Variants in GABRG3 observed in about 807,000 individuals in gnomAD.
GABRG3 encodes the protein gamma-aminobutyric acid receptor subunit gamma-3.
GABRG3 carries 25 observed loss-of-function variants against 48.8 expected under a neutral mutation model. The ratio of observed to expected loss-of-function variants is 0.51; its 90% confidence interval spans 0.37 to 0.72. GABRG3 has a LOEUF of 0.72. Ranked by LOEUF, GABRG3 falls within the 30% of genes least tolerant of loss-of-function variation. The pLI is 0.00. For missense variants in GABRG3, 394 were observed against 577.9 expected, an observed-to-expected ratio of 0.68 and a Z score of 3.26; for synonymous variants, 227 against 217.6, an observed-to-expected ratio of 1.04 and a Z score of -0.38.
At chr15:26,994,824 A>G (rs1390587337) in intron 2 of GABRG3, among the ~76,000 whole-genome samples, 1 of 152,034 alleles carries the variant, frequency 6.6e-6, no homozygotes, top group East Asian at 1.9e-4. Context: ...TAGACTTCAC[A>G]TGATTTCAGT....
At chr15:27,170,529 A>G (rs1236926303) in intron 3 of GABRG3, among the ~76,000 whole-genome samples, 1 of 152,226 alleles carries the variant, frequency 6.6e-6, no homozygotes, top group African/African-American at 2.4e-5. Context: ...AAAAGAAAAC[A>G]AGAGAAGAAG....
In GABRG3 at chr15:27,031,063, GACAC is replaced by G. The variant is rs72485766; in HGVS notation, c.270+4264_270+4267del. ...ATATATTTTCCTCTACACACACACA[GACAC>G]ACACACACACACACACACACATACA... On this transcript the variant is annotated intron_variant, in intron 3 of 9. Coordinates refer to ENST00000615808, the MANE Select transcript of GABRG3 (RefSeq NM_033223.5). Among the ~76,000 whole-genome samples, 840 of 149,840 alleles carry G rather than the reference GACAC, an allele frequency of 5.6e-3. 7 individuals are homozygous for G. Among genetic ancestry groups the G allele is most frequent in the Middle Eastern group, 0.024 (7 of 290 alleles).
chr15:27,254,809 A>G, intron 3 of GABRG3, among the ~76,000 whole-genome samples: 1 of 152,182 alleles, frequency 6.6e-6, no homozygotes, highest in Non-Finnish European at 1.5e-5. Flanking sequence ...CTGTGGAAAT[A>G]GAGCACAGTT....
chr15:27,078,578 C>T (rs1358429917), intron 3 of GABRG3, among the ~76,000 whole-genome samples: 12 of 152,184 alleles, frequency 7.9e-5, no homozygotes, highest in Admixed American at 2.0e-4. Flanking sequence ...CAAAGGGTAC[C>T]GAGGCTATGA....
At position 27,534,671 on chromosome 15, in the gene GABRG3, T is replaced by A. The variant is rs566401777; in HGVS notation, c.*1790T>A. ...ATAGAAAAGTATCAATTTCACACAA[T>A]GTCCTGGATGTATACCAGACACAGA... On this transcript the variant is annotated 3_prime_UTR_variant, in exon 10 of 10. Coordinates refer to ENST00000615808, the MANE Select transcript of GABRG3 (RefSeq NM_033223.5). 1 of 152,346 alleles carries A rather than the reference T, an allele frequency of 6.6e-6. No individual in the cohort carries two copies. The highest frequency in any genetic ancestry group is 1.5e-5 in the Non-Finnish European group (1 of 68,030). 9.4% of individuals were successfully genotyped at this position (152,346 alleles called of 1,614,324 possible).
At chr15:27,034,636 G>T (rs1234243461) in intron 3 of GABRG3, among the ~76,000 whole-genome samples, 3 of 152,076 alleles carry the variant, frequency 2.0e-5, no homozygotes, top group African/African-American at 7.2e-5. Flanking sequence ...ACACTTAAAG[G>T]CTTTCGAGCC....
chr15:27,212,159 T>C (rs923356062), intron 3 of GABRG3, among the ~76,000 whole-genome samples: 1 of 152,206 alleles, frequency 6.6e-6, no homozygotes, highest in African/African-American at 2.4e-5. Flanking sequence ...AGTGTAACTG[T>C]ATACACCTGT....
chr15:27,387,581 C>A (rs191850109), intron 5 of GABRG3, among the ~76,000 whole-genome samples: 2 of 151,888 alleles, frequency 1.3e-5, no homozygotes, highest in African/African-American at 4.8e-5. Flanking sequence ...GGACTTGATA[C>A]ACATGTGTGA....
chr15:27,464,952 T>C lies in GABRG3; in HGVS notation c.575-15698T>C, dbSNP rs139555708. ...TGACTTTTTTTAATCTTGTGGATTATTAAAATTGTACAAAGCTAACAATTT... is the reference window on the plus strand; with the variant it reads ...TGACTTTTTTTAATCTTGTGGATTACTAAAATTGTACAAAGCTAACAATTT... On this transcript the variant is annotated intron_variant, in intron 5 of 9. Coordinates refer to ENST00000615808, the MANE Select transcript of GABRG3 (RefSeq NM_033223.5). 1.1e-3 allele frequency among the ~76,000 whole-genome samples: 162 copies of C among 152,350 alleles called. 1 individual carries two copies. In the Middle Eastern group the frequency reaches 0.02, roughly 19 times the overall value.
intron 3 of GABRG3, among the ~76,000 whole-genome samples, chr15:27,037,465 G>T (rs4536438): frequency 0.11 from 17,359 of 152,168 alleles, 1,554 homozygotes; most frequent in East Asian, 0.41. Flanking sequence ...GAGTTTGTAA[G>T]GATTCAGGGT....
intron 3 of GABRG3, among the ~76,000 whole-genome samples, chr15:27,178,783 A>G (rs1887827792): frequency 6.6e-6 from 1 of 152,206 alleles, no homozygotes; most frequent in African/African-American, 2.4e-5. Flanking sequence ...CTCTGAAAAC[A>G]TATTCCTCTT....
intron 3 of GABRG3, among the ~76,000 whole-genome samples, chr15:27,241,570 G>A (rs1890128132): frequency 1.3e-5 from 2 of 152,190 alleles, no homozygotes; most frequent in Non-Finnish European, 2.9e-5. Context: ...CAGGCATTCA[G>A]TGACAGGACT....
At chr15:27,271,505 G>A (rs528575525) in intron 3 of GABRG3, 17 of 454,470 alleles carry the variant, frequency 3.7e-5, no homozygotes, top group South Asian at 1.4e-4. Flanking sequence ...GCCACGCCCC[G>A]GAGCCCCCAG....
chr15:27,403,914 C>CAAAAAAAAAAAAAAAAAAAAAAA (rs528760544), intron 5 of GABRG3, among the ~76,000 whole-genome samples: 3 of 68,540 alleles, frequency 4.4e-5, no homozygotes, highest in Non-Finnish European at 9.6e-5. Flanking sequence ...CAAAAAAAAA[C>CAAAAAAAAAAAAAAAAAAAAAAA]AAAAAAAAAA....
intron 6 of GABRG3, among the ~76,000 whole-genome samples, chr15:27,506,494 G>A (rs539436426): frequency 7.9e-5 from 12 of 152,278 alleles, no homozygotes; most frequent in African/African-American, 2.9e-4. Flanking sequence ...GGAGAAACAA[G>A]GGACTCAATC....
At chr15:27,250,014 G>A (rs1333417599) in intron 3 of GABRG3, among the ~76,000 whole-genome samples, 4 of 152,140 alleles carry the variant, frequency 2.6e-5, no homozygotes, top group Non-Finnish European at 1.5e-5. Flanking sequence ...GCACAGGTGG[G>A]AGGGGAATGT....
At chr15:27,123,922 G>A (rs1595537398) in intron 3 of GABRG3, among the ~76,000 whole-genome samples, 1 of 152,154 alleles carries the variant, frequency 6.6e-6, no homozygotes, top group Non-Finnish European at 1.5e-5. Context: ...GGCCTGTTCT[G>A]GGAAGGGCCA....
Position 27,303,689 on chromosome 15 carries a change from A to ATG in GABRG3, c.271-23116_271-23115dup, listed in dbSNP as rs1490362798. On this transcript the variant is annotated intron_variant, in intron 3 of 9. Transcript: ENST00000615808. ...GAAAACTACACAATATATTTCATGG[A>ATG]TGTGTATATATATATATCCATGTGT... 4.0e-5 allele frequency among the ~76,000 whole-genome samples: 6 copies of ATG among 151,286 alleles called. No individual in the cohort carries two copies. The East Asian group carries it at 1.2e-3, about 29-fold the overall frequency.
Position 27,457,212 on chromosome 15 carries a change from G to A in GABRG3, c.575-23438G>A, listed in dbSNP as rs978722150. ...GAGTGACTGCAAGGCTGCAAGAACT[G>A]CCCACGCTCCGACAGATGTACAGTG... On this transcript the variant is annotated intron_variant, in intron 5 of 9. Coordinates refer to ENST00000615808, the MANE Select transcript of GABRG3 (RefSeq NM_033223.5). This position sits in a 1 kb window ranked among gnomAD's most constrained non-coding sequence, Gnocchi z 4.4. Among the ~76,000 whole-genome samples the A allele has an allele frequency of 7.0e-4, 106 of 152,184 alleles. 1 individual carries two copies. Among genetic ancestry groups the A allele is most frequent in the Non-Finnish European group, 1.6e-4 (11 of 68,026 alleles).
Sources: gnomAD v4.1 joint callset for allele counts (sites outside exome capture counted in the v4.1 genomes callset) on GRCh38, gnomAD v4.1.1 for gene constraint, Gnocchi (gnomAD v3.1) non-coding constraint, MANE v1.5 for transcripts, NCBI Gene and HGNC (gene_info 2026-07-23, HGNC 2026-07-21) for gene names.